Variants in CLSTN2 observed in about 807,000 individuals in gnomAD.
CLSTN2 encodes calsyntenin 2.
CLSTN2 carries 48 observed loss-of-function variants against 101.2 expected under a neutral mutation model. That is an observed-to-expected ratio of 0.47 (90% confidence interval 0.38 to 0.60). The LOEUF is 0.60. CLSTN2 is among the 20% of genes least tolerant of loss of function. CLSTN2 has a pLI of 0.00. For synonymous variants in CLSTN2, 481 were observed against 463.6 expected, an observed-to-expected ratio of 1.04 and a Z score of -0.48; for missense variants, 1,160 against 1,238.2, an observed-to-expected ratio of 0.94 and a Z score of 0.95.
intron 1 of CLSTN2, among the ~76,000 whole-genome samples, chr3:140,021,498 A>G (rs149616266): frequency 3.5e-4 from 53 of 151,996 alleles, no homozygotes; most frequent in African/African-American, 1.2e-3. Context: ...CCTGTTAGAA[A>G]CTTCCCCTGT....
At chr3:139,983,691 T>C (rs1360822233) in intron 1 of CLSTN2, among the ~76,000 whole-genome samples, 1 of 152,162 alleles carries the variant, frequency 6.6e-6, no homozygotes, top group Non-Finnish European at 1.5e-5. Context: ...TCTTTCAATA[T>C]TATAGTTAAT....
chr3:140,107,295 C>T (rs1320202316), intron 1 of CLSTN2, among the ~76,000 whole-genome samples: 1 of 152,180 alleles, frequency 6.6e-6, no homozygotes, highest in Non-Finnish European at 1.5e-5. Flanking sequence ...GATTCCTCTC[C>T]ACCTTTTCTC....
At chr3:140,547,488 G>A (rs1002543503) in intron 10 of CLSTN2, among the ~76,000 whole-genome samples, 3 of 151,668 alleles carry the variant, frequency 2.0e-5, no homozygotes, top group Non-Finnish European at 4.4e-5. Flanking sequence ...AAAAGAGGAA[G>A]AAGAAGAAGA....
At chr3:140,017,669 G>A (rs758831309) in intron 1 of CLSTN2, among the ~76,000 whole-genome samples, 1 of 152,222 alleles carries the variant, frequency 6.6e-6, no homozygotes, top group Non-Finnish European at 1.5e-5. Context: ...TTGGATGGTT[G>A]GGGTGGAGTG....
At chr3:139,976,201 G>T (rs1474026529) in intron 1 of CLSTN2, among the ~76,000 whole-genome samples, 1 of 152,122 alleles carries the variant, frequency 6.6e-6, no homozygotes, top group African/African-American at 2.4e-5. Flanking sequence ...TACTACCCTG[G>T]GGATCGGGAG....
At chr3:139,999,064 G>A (rs2006759616) in intron 1 of CLSTN2, among the ~76,000 whole-genome samples, 1 of 152,114 alleles carries the variant, frequency 6.6e-6, no homozygotes, top group Non-Finnish European at 1.5e-5. Context: ...CGGCCTGGGA[G>A]CAGACACATT....
chr3:140,386,869 G>T (rs891253448), intron 2 of CLSTN2, among the ~76,000 whole-genome samples: 2 of 152,178 alleles, frequency 1.3e-5, no homozygotes, highest in African/African-American at 4.8e-5. Context: ...ACACAAGCAG[G>T]TTATATAACA....
At chr3:140,058,859 C>T (rs747848844) in intron 1 of CLSTN2, among the ~76,000 whole-genome samples, 5 of 150,836 alleles carry the variant, frequency 3.3e-5, no homozygotes, top group Admixed American at 6.6e-5. Context: ...TGGTGTCCTG[C>T]GAAAGGCAGG....
intron 2 of CLSTN2, among the ~76,000 whole-genome samples, chr3:140,303,428 T>C (rs2107911228): frequency 6.6e-6 from 1 of 152,282 alleles, no homozygotes; most frequent in South Asian, 2.1e-4. Flanking sequence ...TGCCCAAGTT[T>C]GTGAACCTTG....
At chr3:139,936,855 T>C (rs1475996899) in intron 1 of CLSTN2, among the ~76,000 whole-genome samples, 1 of 143,152 alleles carries the variant, frequency 7.0e-6, no homozygotes, top group East Asian at 2.0e-4. Flanking sequence ...TTCTGTTTCT[T>C]TTCAGCATTT....
chr3:140,480,652 A>G (rs1934094458), intron 8 of CLSTN2, among the ~76,000 whole-genome samples: 1 of 152,160 alleles, frequency 6.6e-6, no homozygotes, highest in Non-Finnish European at 1.5e-5. Flanking sequence ...CTGGTGTGAG[A>G]TGGTATCTCA....
intron 5 of CLSTN2, among the ~76,000 whole-genome samples, chr3:140,437,053 T>TTG (rs2088695498): frequency 6.7e-6 from 1 of 149,196 alleles, no homozygotes; most frequent in African/African-American, 2.5e-5. Context: ...AGGTTTGGTT[T>TTG]TTTTTTTTTT....
intron 1 of CLSTN2, among the ~76,000 whole-genome samples, chr3:140,070,075 A>G (rs1261621876): frequency 1.3e-5 from 2 of 152,200 alleles, no homozygotes; most frequent in African/African-American, 4.8e-5. Context: ...TAGCCTGAGC[A>G]GGTCAGTGGC....
chr3:140,062,333 G>A (rs974772156), intron 1 of CLSTN2, among the ~76,000 whole-genome samples: 1 of 152,112 alleles, frequency 6.6e-6, no homozygotes, highest in Non-Finnish European at 1.5e-5. Flanking sequence ...TATTCTACAG[G>A]CAGGCATGCC....
intron 8 of CLSTN2, among the ~76,000 whole-genome samples, chr3:140,511,541 CTTTTTTTTTTTT>C (rs59924727): frequency 8.5e-5 from 6 of 70,848 alleles, no homozygotes; most frequent in South Asian, 4.5e-4. Context: ...TGTTTCTGGA[CTTTTTTTTTTTT>C]TTTTTTTTTT....
intron 2 of CLSTN2, among the ~76,000 whole-genome samples, chr3:140,379,224 C>G (rs1295907520): frequency 6.6e-6 from 1 of 152,204 alleles, no homozygotes; most frequent in East Asian, 1.9e-4. Flanking sequence ...GACCATCTCA[C>G]TTAGGCCTGT....
intron 4 of CLSTN2, among the ~76,000 whole-genome samples, chr3:140,406,564 G>A (rs1481736957): frequency 6.6e-6 from 1 of 152,172 alleles, no homozygotes; most frequent in African/African-American, 2.4e-5. Context: ...TGTCAGAATC[G>A]TTCCCCGATA....
At chr3:140,385,354 G>GTT (rs1410813353) in intron 2 of CLSTN2, among the ~76,000 whole-genome samples, 3 of 99,040 alleles carry the variant, frequency 3.0e-5, no homozygotes, top group Non-Finnish European at 6.0e-5. Flanking sequence ...GGTCCCTGAT[G>GTT]TTCTTTTTTT....
At chr3:140,559,651 A>C (rs1935870874) in intron 12 of CLSTN2, among the ~76,000 whole-genome samples, 1 of 151,976 alleles carries the variant, frequency 6.6e-6, no homozygotes, top group African/African-American at 2.4e-5. Context: ...GGGACGGGGG[A>C]AATATAAATT....
Sources: allele counts gnomAD v4.1 joint callset (sites outside exome capture counted in the v4.1 genomes callset), GRCh38; gene constraint gnomAD v4.1.1; transcripts MANE v1.5; gene names NCBI Gene and HGNC (gene_info 2026-07-23, HGNC 2026-07-21).